Variants in GALNT18 observed in about 807,000 individuals in gnomAD.
GALNT18 encodes the protein polypeptide N-acetylgalactosaminyltransferase 18.
Under a neutral mutation model 69.5 loss-of-function variants are expected in GALNT18, and 44 were observed. The ratio of observed to expected loss-of-function variants is 0.63; its 90% CI spans 0.50 to 0.81. The LOEUF (loss-of-function observed/expected upper bound fraction) is 0.81. Ranked by LOEUF, GALNT18 falls within the 40% of genes least tolerant of loss-of-function variation. The pLI is 0.00. For missense variants in GALNT18, 715 were observed against 810.0 expected, an observed-to-expected ratio of 0.88 and a Z score of 1.42; for synonymous variants, 364 against 318.2, an observed-to-expected ratio of 1.14 and a Z score of -1.53.
intron 1 of GALNT18, among the ~76,000 whole-genome samples, chr11:11,474,973 G>C (rs1435379206): frequency 6.6e-6 from 1 of 152,190 alleles, no homozygotes; most frequent in Non-Finnish European, 1.5e-5. Context: ...ACGTAGATGA[G>C]CAAAATGTCC....
At chr11:11,354,169 C>T (rs998548690) in intron 6 of GALNT18, among the ~76,000 whole-genome samples, 6 of 152,330 alleles carry the variant, frequency 3.9e-5, no homozygotes, top group Admixed American at 3.9e-4. Context: ...TGGGCATCAT[C>T]ACTGGTGTCA....
Position 11,454,678 on chromosome 11 carries a change from A to C in GALNT18, c.236-5742T>G, listed in dbSNP as rs1855886118. Among the ~76,000 whole-genome samples the C allele has an allele frequency of 6.6e-6, 1 of 152,112 alleles. No homozygotes were observed. The highest frequency in any genetic ancestry group is 2.4e-5 in the African/African-American group (1 of 41,422). On this transcript the variant is annotated intron_variant, in intron 1 of 10. Transcript: ENST00000227756. This position sits in a 1 kb window ranked among gnomAD's most constrained non-coding sequence, Gnocchi z 4.2. ...CCTAAGATGCCCTCAGGAAGTGTCC[A>C]GCTCAAACCACAGAACCACAGAGAG...
In GALNT18 at chr11:11,523,140, C is replaced by T. The variant is rs552090158; in HGVS notation, c.236-74204G>A. On this transcript the variant is annotated intron_variant, in intron 1 of 10. Transcript: ENST00000227756. The surrounding 1 kb of genome is among the most constrained non-coding windows in gnomAD (Gnocchi z 4.3). ...TCCATCTGAGTGAAGGTCTACAGTG[C>T]TATTTTGAGCCAGGAGGTCTGCCTT... Among the ~76,000 whole-genome samples the T allele has an allele frequency of 2.6e-5, 4 of 152,292 alleles. No individual in the cohort carries two copies. The highest frequency in any genetic ancestry group is 6.8e-3 in the Middle Eastern group (2 of 294).
chr11:11,574,820 C>G (rs185002954), intron 1 of GALNT18, among the ~76,000 whole-genome samples: 2 of 152,218 alleles, frequency 1.3e-5, no homozygotes, highest in African/African-American at 4.8e-5. Context: ...AGAGCAGAAG[C>G]ATTAGTATAA....
Position 11,364,391 on chromosome 11 carries a change from A to G in GALNT18, c.1092+8124T>C, listed in dbSNP as rs145819086. 1.4e-4 allele frequency among the ~76,000 whole-genome samples: 22 copies of G among 152,314 alleles called. No individual in the cohort carries two copies. The East Asian group carries it at 2.1e-3, about 15-fold the overall frequency. ...CTGTCTATGAAATATTCTTGCTACA[A>G]AATTAAGCCTAAGTCTCTAGATTTA... On this transcript the variant is annotated intron_variant, in intron 6 of 10. Coordinates refer to ENST00000227756, the MANE Select transcript of GALNT18 (RefSeq NM_198516.3).
chr11:11,553,198 C>T (rs111811951), intron 1 of GALNT18, among the ~76,000 whole-genome samples: 20 of 152,234 alleles, frequency 1.3e-4, no homozygotes, highest in African/African-American at 4.8e-4. Flanking sequence ...GAGAACCACT[C>T]TGAAGTTTGG....
intron 1 of GALNT18, among the ~76,000 whole-genome samples, chr11:11,516,168 G>A (rs1484032564): frequency 1.3e-5 from 2 of 152,214 alleles, no homozygotes; most frequent in African/African-American, 4.8e-5. Flanking sequence ...TGGAAGGGAA[G>A]GATGTGTAGG....
At chr11:11,342,067 C>T (rs1455770905) in intron 6 of GALNT18, among the ~76,000 whole-genome samples, 3 of 152,122 alleles carry the variant, frequency 2.0e-5, no homozygotes, top group East Asian at 1.9e-4. Context: ...CCTCTGGCCC[C>T]CACAGCCCTT....
At chr11:11,354,065 T>C (rs539317439) in intron 6 of GALNT18, among the ~76,000 whole-genome samples, 1 of 152,348 alleles carries the variant, frequency 6.6e-6, no homozygotes, top group East Asian at 1.9e-4. Flanking sequence ...CTTCCCCTCT[T>C]AATCAAATGA....
At chr11:11,405,056 T>C (rs1283757113) in intron 3 of GALNT18, among the ~76,000 whole-genome samples, 2 of 152,226 alleles carry the variant, frequency 1.3e-5, no homozygotes, top group Non-Finnish European at 2.9e-5. Flanking sequence ...CACCTTCTTG[T>C]ACCTTAGAGA....
intron 1 of GALNT18, among the ~76,000 whole-genome samples, chr11:11,526,256 C>T (rs115760465): frequency 0.014 from 2,099 of 152,146 alleles, 52 homozygotes; most frequent in African/African-American, 0.048. Flanking sequence ...AACAATTTCC[C>T]GCAAGCCATG....
rs1291962525 is a variant in GALNT18 at position 11,620,121 on chromosome 11, G to A, written c.235+1238C>T. Among the ~76,000 whole-genome samples, 1 of 151,736 alleles carries A rather than the reference G, an allele frequency of 6.6e-6. No homozygotes were observed. The highest frequency in any genetic ancestry group is 2.4e-5 in the African/African-American group (1 of 41,314). On this transcript the variant is annotated intron_variant, in intron 1 of 10. Coordinates refer to ENST00000227756, the MANE Select transcript of GALNT18 (RefSeq NM_198516.3). The surrounding 1 kb of genome is among the most constrained non-coding windows in gnomAD (Gnocchi z 6.9). ...TTCAGACATCCACGTGTAAACAAAAGGGAGTGCTCCTGGCGGGGGGGTGGG... is the reference window on the plus strand; with the variant it reads ...TTCAGACATCCACGTGTAAACAAAAAGGAGTGCTCCTGGCGGGGGGGTGGG...
chr11:11,589,072 A>G (rs997774832), intron 1 of GALNT18, among the ~76,000 whole-genome samples: 1 of 152,198 alleles, frequency 6.6e-6, no homozygotes, highest in African/African-American at 2.4e-5. Context: ...GGAAGAAAAT[A>G]AACTGACTCT....
At chr11:11,279,481 G>A (rs570857846) in intron 10 of GALNT18, among the ~76,000 whole-genome samples, 84 of 152,150 alleles carry the variant, frequency 5.5e-4, no homozygotes, top group South Asian at 1.7e-3. Context: ...TCTAGAACAC[G>A]ATTTATAAAA....
intron 3 of GALNT18, among the ~76,000 whole-genome samples, chr11:11,394,488 G>A (rs1223276761): frequency 2.0e-5 from 3 of 152,180 alleles, no homozygotes; most frequent in Non-Finnish European, 4.4e-5. Context: ...CCACCTAAAG[G>A]TCTCCAAGAG....
chr11:11,305,493 A>T (rs146837625), intron 9 of GALNT18, among the ~76,000 whole-genome samples: 20 of 152,296 alleles, frequency 1.3e-4, no homozygotes, highest in African/African-American at 4.8e-4. Context: ...ATGAGACTTG[A>T]TCCATTGTGG....
At chr11:11,403,688 C>T (rs1044054439) in intron 3 of GALNT18, among the ~76,000 whole-genome samples, 4 of 152,302 alleles carry the variant, frequency 2.6e-5, no homozygotes, top group African/African-American at 9.6e-5. Flanking sequence ...AAGCCAGTGC[C>T]CACCACCTGG....
Position 11,337,538 on chromosome 11 carries a change from T to C in GALNT18, c.1278+3281A>G. Among the ~76,000 whole-genome samples the C allele has an allele frequency of 6.6e-6, 1 of 152,070 alleles. No individual in the cohort carries two copies. The highest frequency in any genetic ancestry group is 1.9e-4 in the East Asian group (1 of 5,190). On this transcript the variant is annotated intron_variant, in intron 7 of 10. Coordinates refer to ENST00000227756, the MANE Select transcript of GALNT18 (RefSeq NM_198516.3). The surrounding 1 kb of genome is among the most constrained non-coding windows in gnomAD (Gnocchi z 4.9). ...ACTGTTCTAATGAGAGGGAGACTTTTAGATAACAGAACACTCTTTCACAGG... is the reference window on the plus strand; with the variant it reads ...ACTGTTCTAATGAGAGGGAGACTTTCAGATAACAGAACACTCTTTCACAGG...
chr11:11,279,063 C>CA (rs1175955790), intron 10 of GALNT18, among the ~76,000 whole-genome samples: 4 of 152,166 alleles, frequency 2.6e-5, no homozygotes, highest in Non-Finnish European at 5.9e-5. Context: ...TCATGACGGG[C>CA]TTGGGCCATC....
Sources: allele counts gnomAD v4.1 joint callset (sites outside exome capture counted in the v4.1 genomes callset), GRCh38; gene constraint gnomAD v4.1.1; non-coding constraint Gnocchi (gnomAD v3.1); transcripts MANE v1.5; gene names NCBI Gene and HGNC (gene_info 2026-07-23, HGNC 2026-07-21).